LRCH3: variants seen among roughly 807,000 people sequenced by gnomAD.
The protein encoded by LRCH3 is DISP complex protein LRCH3.
A neutral mutation model predicts 104.5 loss-of-function variants in LRCH3; 68 were observed. The observed-to-expected ratio is 0.65, with a 90% CI of 0.54 to 0.80. The LOEUF (loss-of-function observed/expected upper bound fraction) is 0.80, where lower values mean the gene tolerates loss of function less well. Ranked by LOEUF, LRCH3 falls within the 30% of genes least tolerant of loss-of-function variation. The pLI is 0.00. For missense variants in LRCH3, 951 were observed against 953.9 expected (o/e 1.00, Z 0.04); for synonymous variants, 344 against 361.3 (o/e 0.95, Z 0.54).
chr3:197,809,007 T>C (rs1257270863), intron 1 of LRCH3, among the ~76,000 whole-genome samples: 1 of 151,218 alleles, frequency 6.6e-6, no homozygotes, highest in Non-Finnish European at 1.5e-5. Context: ...TCAATATTTT[T>C]TTTTTCTTGG....
chr3:197,871,456 A>G lies in LRCH3; in HGVS notation c.2124A>G (p.Pro708=). Residue 708 remains proline (P), a synonymous_variant, in exon 19 of 21, where the codon CCA becomes CCG. Transcript: ENST00000425562. ...RSVPSIHVPS[P]AVPKLTMAKC... ...TCCCAAGCATTCATGTTCCCTCACC[A>G]GCTGTAGTAAGTTGATAATCCTAAA... 6.2e-7 allele frequency: 1 copy of G among 1,613,604 alleles called. No individual in the cohort carries two copies. The highest frequency in any genetic ancestry group is 1.1e-5 in the South Asian group (1 of 91,040).
intron 10 of LRCH3, among the ~76,000 whole-genome samples, chr3:197,844,540 G>A (rs182846568): frequency 2.0e-4 from 31 of 152,026 alleles, no homozygotes; most frequent in African/African-American, 7.5e-4. Context: ...AAAAGCATGA[G>A]CCACTGTGCC....
intron 3 of LRCH3, among the ~76,000 whole-genome samples, chr3:197,817,812 A>ATGTTTGTT (rs1225365993): frequency 2.6e-5 from 4 of 151,644 alleles, no homozygotes; most frequent in Middle Eastern, 6.8e-3. Context: ...CTTCATTGCC[A>ATGTTTGTT]TGTTTGTTTG....
chr3:197,850,697 C>T (rs1739468067), intron 12 of LRCH3: 2 of 1,445,800 alleles, frequency 1.4e-6, no homozygotes, highest in Non-Finnish European at 1.9e-6. Flanking sequence ...ATTCAGCACT[C>T]TTTCTGGGCC....
chr3:197,880,993 G>T (rs1373576619), intron 20 of LRCH3: 119 of 1,292,862 alleles, frequency 9.2e-5, no homozygotes, highest in Non-Finnish European at 1.1e-4. Context: ...TACCATAAAT[G>T]CTGAAGCATT....
intron 4 of LRCH3, among the ~76,000 whole-genome samples, chr3:197,824,013 C>T (rs910448398): frequency 3.3e-5 from 5 of 152,072 alleles, no homozygotes; most frequent in Admixed American, 3.3e-4. Flanking sequence ...AAACATTGTT[C>T]CCTGCCAATT....
chr3:197,834,980 C>T (rs1736525617), intron 8 of LRCH3, among the ~76,000 whole-genome samples: 1 of 152,106 alleles, frequency 6.6e-6, no homozygotes, highest in South Asian at 2.1e-4. Flanking sequence ...CCCGTCTCTA[C>T]TAAAAATACA....
At chr3:197,824,629 C>T (rs1359996073) in intron 4 of LRCH3, among the ~76,000 whole-genome samples, 35 of 148,182 alleles carry the variant, frequency 2.4e-4, no homozygotes, top group African/African-American at 8.5e-4. Flanking sequence ...TACAGTGGCG[C>T]GATCTCGGCT....
At chr3:197,874,233 A>G (rs1339191566) in intron 19 of LRCH3, among the ~76,000 whole-genome samples, 1 of 152,094 alleles carries the variant, frequency 6.6e-6, no homozygotes, top group Non-Finnish European at 1.5e-5. Flanking sequence ...CCAGTGAGCA[A>G]AGCTTCATCT....
chr3:197,826,780 A>T, intron 4 of LRCH3, 98 bp from the exon 5 acceptor site: 1 of 1,433,042 alleles, frequency 7.0e-7, no homozygotes, highest in Non-Finnish European at 9.7e-7. Flanking sequence ...AATGGGAGTA[A>T]ATATCTATGT....
At chr3:197,862,742 T>G (rs139425692) in intron 15 of LRCH3, among the ~76,000 whole-genome samples, 2 of 152,330 alleles carry the variant, frequency 1.3e-5, no homozygotes, top group Non-Finnish European at 2.9e-5. Context: ...CTGTTACTCT[T>G]GTTTGAATTA....
intron 1 of LRCH3, among the ~76,000 whole-genome samples, chr3:197,795,473 G>A (rs1050094107): frequency 3.9e-5 from 6 of 152,050 alleles, no homozygotes; most frequent in African/African-American, 1.4e-4. Context: ...TGAGAAAGAG[G>A]CATGCTTTGA....
intron 19 of LRCH3, among the ~76,000 whole-genome samples, chr3:197,875,131 A>C (rs1229022266): frequency 1.3e-5 from 2 of 151,940 alleles, no homozygotes; most frequent in Non-Finnish European, 2.9e-5. Flanking sequence ...GGGTTTCTCC[A>C]TGTTCGTCAG....
chr3:197,797,005 A>G (rs992963601), intron 1 of LRCH3, among the ~76,000 whole-genome samples: 4 of 152,006 alleles, frequency 2.6e-5, no homozygotes, highest in African/African-American at 9.7e-5. Flanking sequence ...AGCCTGGCCA[A>G]CATGGTGAAA....
intron 1 of LRCH3, among the ~76,000 whole-genome samples, chr3:197,807,393 A>G (rs1292659925): frequency 6.6e-6 from 1 of 150,952 alleles, no homozygotes; most frequent in Non-Finnish European, 1.5e-5. Context: ...ATTTTTTTGT[A>G]TTTCTTTTTA....
At chr3:197,876,575 T>C (rs1381283586) in intron 20 of LRCH3, among the ~76,000 whole-genome samples, 1 of 152,228 alleles carries the variant, frequency 6.6e-6, no homozygotes, top group Non-Finnish European at 1.5e-5. Context: ...TTATGTGGTA[T>C]AAAGACAAAT....
At chr3:197,816,491 G>T (rs759716743) in intron 2 of LRCH3, among the ~76,000 whole-genome samples, 1 of 152,126 alleles carries the variant, frequency 6.6e-6, no homozygotes, top group Non-Finnish European at 1.5e-5. Flanking sequence ...TGTTGGCCAG[G>T]CTGGTCTCGA....
At chr3:197,816,478 C>T (rs1560535175) in intron 2 of LRCH3, among the ~76,000 whole-genome samples, 1 of 152,162 alleles carries the variant, frequency 6.6e-6, no homozygotes, top group Non-Finnish European at 1.5e-5. Context: ...CGGGGTTTCG[C>T]CATGTTGGCC....
At chr3:197,848,990 G>A (rs1580797045) in intron 12 of LRCH3, among the ~76,000 whole-genome samples, 1 of 152,172 alleles carries the variant, frequency 6.6e-6, no homozygotes, top group East Asian at 1.9e-4. Context: ...CTGGCCGGGT[G>A]TGGTGGCTCA....
Sources: allele counts gnomAD v4.1 joint callset (sites outside exome capture counted in the v4.1 genomes callset), GRCh38; gene constraint gnomAD v4.1.1; transcripts MANE v1.5; gene names NCBI Gene and HGNC (gene_info 2026-07-23, HGNC 2026-07-21).